Variants in VPS13B observed in about 807,000 individuals in gnomAD.
The protein encoded by VPS13B is vacuolar protein sorting 13 homolog B.
A neutral mutation model predicts 426.4 loss-of-function variants in VPS13B; 285 were observed. That is an observed-to-expected ratio of 0.67 (90% CI 0.61 to 0.74). VPS13B has a LOEUF of 0.74. Among genes scored for constraint, VPS13B ranks in the 30% least tolerant of loss-of-function variants. The probability of loss-of-function intolerance (pLI) is 0.00; values close to 1 mark genes in which losing one functional copy is unlikely to be tolerated. For missense variants in VPS13B, 4,537 were observed against 4,782.6 expected (o/e 0.95, Z 1.51); for synonymous variants, 1,676 against 1,676.4 (o/e 1.00, Z 0.01).
chr8:99,849,884 A>G (rs1317005938), intron 55 of VPS13B, among the ~76,000 whole-genome samples: 2 of 152,160 alleles, frequency 1.3e-5, no homozygotes, highest in African/African-American at 4.8e-5. Context: ...TATTGAATAT[A>G]TATGATCCTA....
At chr8:99,364,711 G>A (rs1470295652) in intron 19 of VPS13B, among the ~76,000 whole-genome samples, 1 of 152,190 alleles carries the variant, frequency 6.6e-6, no homozygotes, top group Non-Finnish European at 1.5e-5. Context: ...GGGATTACAA[G>A]TGAGAGCCAC....
chr8:99,506,632 G>A (rs186575747), intron 27 of VPS13B, among the ~76,000 whole-genome samples: 18 of 152,218 alleles, frequency 1.2e-4, no homozygotes, highest in African/African-American at 3.9e-4. Flanking sequence ...CCAAGGCAGG[G>A]GGATTACTTG....
At chr8:99,028,400 C>A (rs557313664) in intron 2 of VPS13B, among the ~76,000 whole-genome samples, 1 of 149,222 alleles carries the variant, frequency 6.7e-6, no homozygotes, top group South Asian at 2.1e-4. Flanking sequence ...GCTGACCCCC[C>A]CCACCTCCCT....
chr8:99,757,187 C>A (rs982993203), intron 39 of VPS13B, among the ~76,000 whole-genome samples: 9 of 152,006 alleles, frequency 5.9e-5, no homozygotes, highest in African/African-American at 2.2e-4. Flanking sequence ...AGAAATATGG[C>A]GGGAAAAGTG....
At chr8:99,239,679 C>T (rs1308434417) in intron 17 of VPS13B, among the ~76,000 whole-genome samples, 1 of 109,854 alleles carries the variant, frequency 9.1e-6, no homozygotes, top group Non-Finnish European at 2.0e-5. Context: ...GGTTAAGAAT[C>T]AGTTCAGCCA....
intron 17 of VPS13B, among the ~76,000 whole-genome samples, chr8:99,264,686 G>T (rs958603479): frequency 2.0e-5 from 3 of 151,876 alleles, no homozygotes; most frequent in African/African-American, 4.8e-5. Context: ...CGTCTCTTTA[G>T]CCTTGATGTT....
intron 33 of VPS13B, among the ~76,000 whole-genome samples, chr8:99,588,318 T>A (rs1826416838): frequency 6.6e-6 from 1 of 151,772 alleles, no homozygotes; most frequent in African/African-American, 2.4e-5. Context: ...TTTGGTTCCA[T>A]ATGAACTTTA....
chr8:99,637,815 ATAGTTTCATT>A, intron 33 of VPS13B, among the ~76,000 whole-genome samples: 1 of 152,286 alleles, frequency 6.6e-6, no homozygotes, highest in East Asian at 1.9e-4. Flanking sequence ...CATAGAAACT[ATAGTTTCATT>A]TAGTTAATTG....
chr8:99,218,714 C>T (rs996348871), intron 17 of VPS13B, among the ~76,000 whole-genome samples: 3 of 152,072 alleles, frequency 2.0e-5, no homozygotes, highest in Admixed American at 6.6e-5. Flanking sequence ...AGGGAGTCAG[C>T]TGATCAGAAT....
At chr8:99,486,695 G>A (rs1462078605) in intron 25 of VPS13B, among the ~76,000 whole-genome samples, 2 of 152,182 alleles carry the variant, frequency 1.3e-5, no homozygotes, top group South Asian at 2.1e-4. Flanking sequence ...TCTACACTAT[G>A]TCTGCAGTCC....
chr8:99,601,158 C>T (rs942948103), intron 33 of VPS13B, among the ~76,000 whole-genome samples: 112 of 151,722 alleles, frequency 7.4e-4, no homozygotes, highest in African/African-American at 2.6e-3. Flanking sequence ...TAGCCCCTGA[C>T]CCCCCAACAG....
intron 8 of VPS13B, among the ~76,000 whole-genome samples, chr8:99,128,965 C>G (rs949093794): frequency 3.3e-5 from 5 of 151,936 alleles, no homozygotes; most frequent in Non-Finnish European, 7.4e-5. Context: ...TGGTGAAACC[C>G]TGTCTTTACT....
intron 2 of VPS13B, among the ~76,000 whole-genome samples, chr8:99,026,511 C>T (rs772686965): frequency 4.6e-5 from 7 of 152,130 alleles, no homozygotes; most frequent in Non-Finnish European, 1.0e-4. Flanking sequence ...TGATTTTCTG[C>T]CAGCGATCTG....
chr8:99,442,211 G>A (rs1817711788), intron 22 of VPS13B, among the ~76,000 whole-genome samples, 190 bp from the exon 23 acceptor site: 1 of 152,072 alleles, frequency 6.6e-6, no homozygotes, highest in Non-Finnish European at 1.5e-5. Flanking sequence ...TAGGCATTTT[G>A]TATCAAGTTT....
chr8:99,617,483 C>T (rs1176771459), intron 33 of VPS13B, among the ~76,000 whole-genome samples: 1 of 152,022 alleles, frequency 6.6e-6, no homozygotes, highest in Non-Finnish European at 1.5e-5. Flanking sequence ...CGCATCACCA[C>T]GCCCAGCAAA....
At chr8:99,163,655 C>G (rs950485015) in intron 15 of VPS13B, among the ~76,000 whole-genome samples, 6 of 152,216 alleles carry the variant, frequency 3.9e-5, no homozygotes, top group African/African-American at 1.4e-4. Context: ...CTAAGTCCCT[C>G]ATTGCCCGGG....
rs1554566596 is a variant in VPS13B at position 99,818,712 on chromosome 8, G to T, written c.8446-1G>T. On this transcript the variant is annotated splice_acceptor_variant, in intron 46 of 61. Coordinates refer to ENST00000357162, the MANE Select transcript of VPS13B (RefSeq NM_152564.5). LOFTEE classifies it high-confidence loss of function. ...GTTGTTCTATCCTTTTATTTTTATA[G>T]ATTGTGTTCAGCCCTCTTTTTATCA... 6.2e-7 allele frequency: 1 copy of T among 1,613,680 alleles called. No homozygotes were observed. Among genetic ancestry groups the T allele is most frequent in the Non-Finnish European group, 8.5e-7 (1 of 1,179,914 alleles).
intron 57 of VPS13B, among the ~76,000 whole-genome samples, chr8:99,861,447 G>A (rs1816826662): frequency 6.6e-6 from 1 of 152,168 alleles, no homozygotes; most frequent in African/African-American, 2.4e-5. Flanking sequence ...GACTACAGGT[G>A]TGCACCACCA....
At chr8:99,736,505 C>A (rs1054279201) in intron 39 of VPS13B, among the ~76,000 whole-genome samples, 2 of 152,110 alleles carry the variant, frequency 1.3e-5, no homozygotes, top group African/African-American at 4.8e-5. Context: ...AATCAGGAGG[C>A]AGATGTTGCA....
Sources: allele counts gnomAD v4.1 joint callset (sites outside exome capture counted in the v4.1 genomes callset), GRCh38; gene constraint gnomAD v4.1.1; transcripts MANE v1.5; gene names NCBI Gene and HGNC (gene_info 2026-07-23, HGNC 2026-07-21).